TRMT11: variants seen among roughly 807,000 people sequenced by gnomAD.
The protein encoded by TRMT11 is tRNA (guanine(10)-N(2))-methyltransferase TRMT11.
In TRMT11, 53 loss-of-function variants were observed where a neutral mutation model predicts 62.8. The ratio of observed to expected loss-of-function variants is 0.84; its 90% CI spans 0.68 to 1.06. The LOEUF (loss-of-function observed/expected upper bound fraction) is 1.06, where lower values mean the gene tolerates loss of function less well. TRMT11 is among the 50% of genes least tolerant of loss of function. The pLI, the probability that TRMT11 is intolerant of heterozygous loss-of-function variation, is 0.00. For synonymous variants in TRMT11, 188 were observed against 190.3 expected (o/e 0.99, Z 0.10); for missense variants, 556 against 553.4 (o/e 1.00, Z -0.05).
intron 17 of TRMT11, among the ~76,000 whole-genome samples, chr6:126,101,868 A>C (rs527271860): frequency 4.6e-5 from 7 of 152,354 alleles, no homozygotes; most frequent in African/African-American, 1.7e-4. Context: ...AACACACTGC[A>C]TCTCAAATAT....
Position 125,999,522 on chromosome 6 carries a change from T to A in TRMT11, c.588T>A (p.Asn196Lys). ...TCAAAAAGAGACACTTTATTGGAAA[T>A]ACAAGTATGGATGCTGGTTTGTCAT... ...YSVKKRHFIGNTSMDAGLSFI... is the reference protein window; with the variant it reads ...YSVKKRHFIGKTSMDAGLSFI... The change falls in exon 7 of 13, where the codon AAT becomes AAA. Residue 196 changes from asparagine (N) to lysine (K), a missense_variant. By Grantham distance (94) the Asn-to-Lys change is moderately conservative (BLOSUM62 0). Transcript: ENST00000334379. The A allele has an allele frequency of 1.1e-5, 17 of 1,612,062 alleles. No homozygotes were observed. Among genetic ancestry groups the A allele is most frequent in the Non-Finnish European group, 1.4e-5 (17 of 1,178,812 alleles).
chr6:126,202,738 G>C (rs576761574), downstream of TRMT11, among the ~76,000 whole-genome samples: 2 of 152,216 alleles, frequency 1.3e-5, no homozygotes, highest in African/African-American at 4.8e-5. Context: ...TTATAAACAT[G>C]CACAAACTTG....
upstream of TRMT11, among the ~76,000 whole-genome samples, chr6:126,173,880 T>G (rs1455487551): frequency 1.3e-5 from 2 of 152,168 alleles, no homozygotes; most frequent in Admixed American, 1.3e-4. Context: ...TGTGGCCTCT[T>G]TCTCTGCCCC....
chr6:126,144,739 C>G (rs193198541), intron 21 of TRMT11, among the ~76,000 whole-genome samples: 205 of 152,226 alleles, frequency 1.3e-3, no homozygotes, highest in African/African-American at 4.8e-3. Flanking sequence ...GGCTTAATAT[C>G]TTTTTAATTC....
chr6:125,995,912 C>A, intron 2 of TRMT11, 55 bp from the exon 3 acceptor site: 1 of 1,038,200 alleles, frequency 9.6e-7, no homozygotes, highest in Non-Finnish European at 1.5e-6. Flanking sequence ...TGAATAAAAG[C>A]ATATGAGGCC....
the TRMT11 span, among the ~76,000 whole-genome samples, chr6:126,220,489 G>A: frequency 3.2e-3 from 493 of 152,158 alleles, 5 homozygotes; most frequent in African/African-American, 0.011. Context: ...CTCTGTTATT[G>A]CTTTTGCTCC....
intron 21 of TRMT11, among the ~76,000 whole-genome samples, chr6:126,129,225 G>A (rs1340946036): frequency 6.6e-6 from 1 of 152,048 alleles, no homozygotes; most frequent in Admixed American, 6.6e-5. Context: ...CTCACAATGT[G>A]CGCAACTTGA....
chr6:126,004,996 T>G (rs1793137994), intron 7 of TRMT11, among the ~76,000 whole-genome samples: 1 of 152,090 alleles, frequency 6.6e-6, no homozygotes, highest in Non-Finnish European at 1.5e-5. Context: ...TTTTTTAAAG[T>G]GTGTGTCTCC....
chr6:126,115,297 T>C (rs542113785), intron 19 of TRMT11, among the ~76,000 whole-genome samples: 45 of 152,156 alleles, frequency 3.0e-4, no homozygotes, highest in Non-Finnish European at 5.1e-4. Context: ...TTCTTGACTT[T>C]GCCTGTACGT....
chr6:126,154,075 T>C (rs935160190), intron 21 of TRMT11, among the ~76,000 whole-genome samples: 4 of 152,190 alleles, frequency 2.6e-5, no homozygotes, highest in African/African-American at 9.7e-5. Flanking sequence ...TGCCACTCAT[T>C]GGTTACTGGC....
chr6:125,998,404 G>A (rs768815803), intron 5 of TRMT11, 89 bp downstream of exon 5: 1 of 1,242,212 alleles, frequency 8.1e-7, no homozygotes. Context: ...TCTGTGAAGT[G>A]TTTATTTTGT....
intron 21 of TRMT11, among the ~76,000 whole-genome samples, chr6:126,157,479 G>A (rs539918119): frequency 2.0e-4 from 30 of 152,276 alleles, no homozygotes; most frequent in African/African-American, 7.2e-4. Flanking sequence ...ATATTATAAA[G>A]CTGTAAACTG....
At chr6:126,270,939 GT>G in the TRMT11 span, among the ~76,000 whole-genome samples, 2 of 152,060 alleles carry the variant, frequency 1.3e-5, no homozygotes, top group Non-Finnish European at 2.9e-5. Context: ...GATTATTTTG[GT>G]CACATTTTGC....
At chr6:126,211,806 T>C in the TRMT11 span, among the ~76,000 whole-genome samples, 1 of 152,134 alleles carries the variant, frequency 6.6e-6, no homozygotes, top group African/African-American at 2.4e-5. Flanking sequence ...CATTTAGTTA[T>C]TAAAAATGTA....
the TRMT11 span, among the ~76,000 whole-genome samples, chr6:126,241,696 C>T: frequency 6.6e-6 from 1 of 152,200 alleles, no homozygotes; most frequent in Non-Finnish European, 1.5e-5. Flanking sequence ...ACAAAAACCA[C>T]ATGATTATCT....
At chr6:126,240,433 G>A in the TRMT11 span, among the ~76,000 whole-genome samples, 12 of 152,286 alleles carry the variant, frequency 7.9e-5, no homozygotes, top group South Asian at 2.3e-3. Context: ...TAACAGTCAG[G>A]ACCCTCAGCT....
chr6:126,226,418 T>G, the TRMT11 span, among the ~76,000 whole-genome samples: 1 of 152,186 alleles, frequency 6.6e-6, no homozygotes, highest in South Asian at 2.1e-4. Flanking sequence ...CAATGAATAT[T>G]TTGTAAATAT....
chr6:126,020,072 G>A (rs545045323), intron 11 of TRMT11, among the ~76,000 whole-genome samples: 10 of 152,322 alleles, frequency 6.6e-5, no homozygotes, highest in African/African-American at 2.2e-4. Flanking sequence ...GGGAGAGCTC[G>A]TTGAAGGTCA....
chr6:126,069,100 C>G (rs1369894450), intron 17 of TRMT11, among the ~76,000 whole-genome samples: 1 of 152,228 alleles, frequency 6.6e-6, no homozygotes, highest in Non-Finnish European at 1.5e-5. Flanking sequence ...CCAAACAATA[C>G]CAAGTCACAG....
Sources: gnomAD v4.1 joint callset for allele counts (sites outside exome capture counted in the v4.1 genomes callset) on GRCh38, gnomAD v4.1.1 for gene constraint, MANE v1.5 for transcripts, NCBI Gene and HGNC (gene_info 2026-07-23, HGNC 2026-07-21) for gene names.